The following PDE11A variants were observed in gnomAD, a reference collection of about 807,000 sequenced individuals.
The protein encoded by PDE11A is phosphodiesterase 11A, also known as dual 3',5'-cyclic-AMP and -GMP phosphodiesterase 11A.
In PDE11A, 100 loss-of-function variants were observed where a neutral mutation model predicts 100.5. The ratio of observed to expected loss-of-function variants is 1.00; its 90% CI spans 0.85 to 1.18. The LOEUF (loss-of-function observed/expected upper bound fraction) is 1.18, where lower values mean the gene tolerates loss of function less well. Among genes scored for constraint, PDE11A ranks in the 50% most tolerant of loss-of-function variants. PDE11A has a pLI of 0.00. For missense variants in PDE11A, 1,141 were observed against 1,152.6 expected (o/e 0.99, Z 0.15); for synonymous variants, 381 against 420.8 (o/e 0.91, Z 1.16).
chr2:177,923,982 T>C (rs2085091506), intron 2 of PDE11A, among the ~76,000 whole-genome samples: 1 of 152,170 alleles, frequency 6.6e-6, no homozygotes, highest in African/African-American at 2.4e-5. Flanking sequence ...AGATAATGTA[T>C]AAAAATGTCA....
rs1369854524 is a variant in PDE11A, at chr2:177,627,749, G to C, written c.*1658C>G. On this transcript the variant is annotated 3_prime_UTR_variant, in exon 20 of 20. Coordinates refer to ENST00000286063, the MANE Select transcript of PDE11A (RefSeq NM_016953.4). Reference sequence around the variant, plus strand: ...TAATCCCAGCTTCTCAGGAGGTTGAGGCTGGAGAATTGCTTGAACCCAGGA... The same window carrying C: ...TAATCCCAGCTTCTCAGGAGGTTGACGCTGGAGAATTGCTTGAACCCAGGA... The C allele has an allele frequency of 6.6e-6, 1 of 152,242 alleles. No individual in the cohort carries two copies. The highest frequency in any genetic ancestry group is 1.5e-5 in the Non-Finnish European group (1 of 68,102). 9.4% of individuals were successfully genotyped at this position (152,242 alleles called of 1,614,324 possible). A position where few individuals can be genotyped will look rare whatever the true frequency, so the allele number is the denominator to read the frequency against.
At position 177,627,684 on chromosome 2, in the gene PDE11A, A is replaced by G. The variant is rs1342560310; in HGVS notation, c.*1723T>C. ...AACATGGTGAAACCCTGTGTCTACT[A>G]AAAGTACAAAAATTAGCCAGGCGTG... On this transcript the variant is annotated 3_prime_UTR_variant, in exon 20 of 20. Coordinates refer to ENST00000286063, the MANE Select transcript of PDE11A (RefSeq NM_016953.4). The G allele has an allele frequency of 1.3e-5, 2 of 152,152 alleles. No homozygotes were observed. Among genetic ancestry groups the G allele is most frequent in the Admixed American group, 1.3e-4 (2 of 15,276 alleles). The allele number at this position is 152,152 out of a possible 1,614,324, so 9.4% of individuals were successfully genotyped here.
intron 2 of PDE11A, among the ~76,000 whole-genome samples, chr2:177,981,616 C>T (rs1317172262): frequency 6.6e-6 from 1 of 150,604 alleles, no homozygotes; most frequent in Admixed American, 6.6e-5. Flanking sequence ...ACTTGATTAC[C>T]TCTGTAAAGA....
At chr2:177,950,372 A>T (rs2085492136) in intron 2 of PDE11A, among the ~76,000 whole-genome samples, 1 of 151,868 alleles carries the variant, frequency 6.6e-6, no homozygotes, top group Non-Finnish European at 1.5e-5. Flanking sequence ...TATTTCTCTC[A>T]TCTTCTGCTA....
intron 2 of PDE11A, among the ~76,000 whole-genome samples, chr2:178,102,403 G>A (rs1325033166): frequency 6.6e-6 from 1 of 150,634 alleles, no homozygotes; most frequent in Non-Finnish European, 1.5e-5. Context: ...GGGATTACAG[G>A]CGTAAGCCAC....
At chr2:178,092,755 C>A (rs113398164) in intron 2 of PDE11A, 14,131 of 152,326 alleles carry the variant, frequency 0.093, 707 homozygotes, top group Middle Eastern at 0.12. Flanking sequence ...CATGCACCAA[C>A]ATGCCTAGCA....
chr2:178,097,283 C>A (rs575684933), intron 2 of PDE11A, among the ~76,000 whole-genome samples: 1 of 152,212 alleles, frequency 6.6e-6, no homozygotes, highest in East Asian at 1.9e-4. Context: ...AAGAAATACC[C>A]GAGACTAGGT....
intron 1 of PDE11A, among the ~76,000 whole-genome samples, chr2:178,105,394 G>A (rs2087606211): frequency 6.6e-6 from 1 of 152,156 alleles, no homozygotes; most frequent in East Asian, 1.9e-4. Flanking sequence ...GGGAGGCGGA[G>A]GTTGCAGTAA....
At chr2:177,705,105 G>A (rs941297807) in intron 13 of PDE11A, among the ~76,000 whole-genome samples, 14 of 152,132 alleles carry the variant, frequency 9.2e-5, no homozygotes, top group African/African-American at 3.4e-4. Context: ...CTCCCAAAGT[G>A]ATGGGATTAT....
chr2:177,704,853 T>C (rs2081255897), intron 13 of PDE11A, among the ~76,000 whole-genome samples: 1 of 152,154 alleles, frequency 6.6e-6, no homozygotes, highest in African/African-American at 2.4e-5. Flanking sequence ...GAAACCTCTT[T>C]TTTTTTGAGA....
intron 16 of PDE11A, chr2:177,678,082 T>A (rs1256953864): frequency 6.6e-6 from 1 of 152,238 alleles, no homozygotes; most frequent in Non-Finnish European, 1.5e-5. Flanking sequence ...TTGCACTTAT[T>A]TCAGTTTTAA....
intron 2 of PDE11A, among the ~76,000 whole-genome samples, chr2:177,991,640 A>T (rs2086006084): frequency 6.6e-6 from 1 of 151,224 alleles, no homozygotes; most frequent in African/African-American, 2.4e-5. Context: ...ATTTCAAAAA[A>T]TGATAATAAT....
At chr2:177,748,345 C>A (rs892305362) in intron 10 of PDE11A, among the ~76,000 whole-genome samples, 2 of 152,106 alleles carry the variant, frequency 1.3e-5, no homozygotes, top group South Asian at 4.1e-4. Flanking sequence ...TGCATGCTAA[C>A]CCATCAGAGA....
intron 2 of PDE11A, among the ~76,000 whole-genome samples, chr2:177,994,948 T>C (rs1331501322): frequency 6.6e-6 from 1 of 150,852 alleles, no homozygotes; most frequent in Admixed American, 6.6e-5. Flanking sequence ...GAAGCAAAAA[T>C]AACCGAAGTT....
chr2:177,807,622 C>T (rs1011213043), intron 9 of PDE11A, among the ~76,000 whole-genome samples: 2 of 152,054 alleles, frequency 1.3e-5, no homozygotes, highest in Admixed American at 1.3e-4. Context: ...GATGGGGTTT[C>T]GCCATGTTGC....
intron 1 of PDE11A, among the ~76,000 whole-genome samples, chr2:178,070,470 T>C (rs533421901): frequency 1.2e-4 from 19 of 152,340 alleles, no homozygotes; most frequent in African/African-American, 4.6e-4. Context: ...TGTAGCTCCC[T>C]GAGACCACTG....
chr2:178,039,567 G>A (rs1448811959), intron 1 of PDE11A, among the ~76,000 whole-genome samples: 2 of 151,880 alleles, frequency 1.3e-5, no homozygotes, highest in African/African-American at 2.4e-5. Context: ...AAAATGAATA[G>A]TTAAAAGTCT....
chr2:177,787,611 A>C (rs2082557249), intron 9 of PDE11A, among the ~76,000 whole-genome samples: 1 of 150,970 alleles, frequency 6.6e-6, no homozygotes, highest in South Asian at 2.1e-4. Flanking sequence ...ATAAAGAGTC[A>C]AGACCCATCA....
intron 19 of PDE11A, among the ~76,000 whole-genome samples, chr2:177,629,890 T>C (rs868340499): frequency 2.6e-5 from 4 of 152,190 alleles, no homozygotes; most frequent in African/African-American, 9.7e-5. Flanking sequence ...AGCTCACATA[T>C]GCCTACTTAC....
Sources: allele counts gnomAD v4.1 joint callset (sites outside exome capture counted in the v4.1 genomes callset), GRCh38; gene constraint gnomAD v4.1.1; transcripts MANE v1.5; gene names NCBI Gene and HGNC (gene_info 2026-07-23, HGNC 2026-07-21).